RWDD2B: variants seen among roughly 807,000 people sequenced by gnomAD.
RWDD2B encodes RWD domain containing 2B, also known as RWD domain-containing protein 2B.
Under a neutral mutation model 33.6 loss-of-function variants are expected in RWDD2B, and 36 were observed. The ratio of observed to expected loss-of-function variants is 1.07; its 90% CI spans 0.82 to 1.42. The LOEUF is 1.42. RWDD2B is among the 40% of genes most tolerant of loss of function. The pLI is 0.00. For synonymous variants in RWDD2B, 126 were observed against 133.1 expected (o/e 0.95, Z 0.37); for missense variants, 364 against 377.5 (o/e 0.96, Z 0.30).
At chr21:29,018,203 A>C (rs993105926) in intron 1 of RWDD2B, among the ~76,000 whole-genome samples, 20 of 152,222 alleles carry the variant, frequency 1.3e-4, no homozygotes, top group Admixed American at 1.3e-3. Context: ...CAGGATTTAC[A>C]GATGAATTAC....
rs201343880 is a variant in RWDD2B, at chr21:29,008,325, G to T, written c.295-18C>A. On this transcript the variant is annotated intron_variant, in intron 2 of 4. Coordinates refer to ENST00000493196, the MANE Select transcript of RWDD2B (RefSeq NM_016940.3). Reference sequence around the variant, plus strand: ...AACATCGCCTGATTAAAGAGAAGAAGAAAAAGTGCACTAACCAATGTTTTA... The same window carrying T: ...AACATCGCCTGATTAAAGAGAAGAATAAAAAGTGCACTAACCAATGTTTTA... The T allele has an allele frequency of 6.2e-7, 1 of 1,613,644 alleles. No individual in the cohort carries two copies. The highest frequency in any genetic ancestry group is 2.2e-5 in the East Asian group (1 of 44,886).
chr21:29,011,831 G>A lies in RWDD2B; in HGVS notation c.68-3210C>T, dbSNP rs1166303277. On this transcript the variant is annotated intron_variant, in intron 1 of 4. Transcript: ENST00000493196. ...AGGTGAGGGGCGCCTCTGCCCGGCC[G>A]CCCCTACTGGGAAGTGAGGAGCCCC... Among the ~76,000 whole-genome samples, 8 of 125,312 alleles carry A rather than the reference G, an allele frequency of 6.4e-5. No individual in the cohort carries two copies. The South Asian group carries it at 1.1e-3, about 17-fold the overall frequency. The allele number at this position is 125,312 out of a possible 152,430, so 82.2% of individuals were successfully genotyped here.
chr21:29,011,929 C>T (rs2084864123), intron 1 of RWDD2B, among the ~76,000 whole-genome samples: 2 of 117,552 alleles, frequency 1.7e-5, no homozygotes, highest in East Asian at 2.8e-4. Context: ...CCGCCCCATC[C>T]GGGAGGGAGG....
rs1424301052 is a variant in RWDD2B at position 29,019,245 on chromosome 21, GT to G, written c.32del (p.Asn11ThrfsTer20). 6.2e-7 allele frequency: 1 copy of G among 1,606,190 alleles called. No homozygotes were observed. The highest frequency in any genetic ancestry group is 8.5e-7 in the Non-Finnish European group (1 of 1,177,126). Reference sequence around the variant, plus strand: ...TGGCCCCCTCACTGCTGTAACCCGGGTTCCATGGCTGCATGGACAGCTCAAT... The same window carrying G: ...TGGCCCCCTCACTGCTGTAACCCGGGTCCATGGCTGCATGGACAGCTCAAT... Reference protein sequence around the residue: MKIELSMQPWNPGYSSEGATA... With the variant: MKIELSMQPWXPGYSSEGATA... On this transcript the variant is annotated frameshift_variant, in exon 1 of 5. Coordinates refer to ENST00000493196, the MANE Select transcript of RWDD2B (RefSeq NM_016940.3). LOFTEE classifies it high-confidence loss of function.
In RWDD2B at chr21:29,019,340, C is replaced by T; in HGVS notation, c.-63G>A. On this transcript the variant is annotated 5_prime_UTR_variant, in exon 1 of 5. Coordinates refer to ENST00000493196, the MANE Select transcript of RWDD2B (RefSeq NM_016940.3). ...AAAACTTACAAACCGCCTCAGCTGG[C>T]GACCTACCGGAAAAAAAAAAAAAAA... 1.7e-6 allele frequency: 2 copies of T among 1,197,262 alleles called. No homozygotes were observed. Among genetic ancestry groups the T allele is most frequent in the Non-Finnish European group, 2.3e-6 (2 of 871,734 alleles). 74.2% of individuals were successfully genotyped at this position (1,197,262 alleles called of 1,614,324 possible).
In RWDD2B at chr21:29,008,533, A is replaced by G. The variant is rs747331742; in HGVS notation, c.156T>C (p.Gly52=). The G allele has an allele frequency of 4.6e-5, 74 of 1,614,018 alleles. 1 individual carries two copies. The South Asian group carries it at 6.1e-4, about 13-fold the overall frequency. The stretch of plus-strand genomic sequence containing the variant: ...GGTCATTCACTATGAGCTCATTCTC[A>G]CCAGGGAACATACTGGCTAGCAGGT... ...ELDLLASMFP[G]ENELIVNDQL... Residue 52 remains glycine, a synonymous_variant, in exon 2 of 5, where the codon GGT becomes GGC. Transcript: ENST00000493196.
chr21:29,010,159 T>C (rs1349519611), intron 1 of RWDD2B, among the ~76,000 whole-genome samples: 1 of 152,190 alleles, frequency 6.6e-6, no homozygotes, highest in East Asian at 1.9e-4. Flanking sequence ...TATTCAATAA[T>C]AAACTTACAG....
At chr21:29,019,121 C>G in intron 1 of RWDD2B, 90 bp downstream of exon 1, 1 of 1,102,466 alleles carries the variant, frequency 9.1e-7, no homozygotes, top group Non-Finnish European at 1.3e-6. Flanking sequence ...GCCGCCATGC[C>G]GGGCACGTTC....
chr21:29,012,071 T>C (rs1260809281), intron 1 of RWDD2B, among the ~76,000 whole-genome samples: 4 of 128,872 alleles, frequency 3.1e-5, no homozygotes, highest in East Asian at 2.5e-4. Context: ...TACTGGGAAG[T>C]GAGGAGCCCC....
chr21:29,016,401 A>T (rs955504952), intron 1 of RWDD2B, among the ~76,000 whole-genome samples: 26 of 152,136 alleles, frequency 1.7e-4, no homozygotes, highest in Admixed American at 6.5e-5. Context: ...AGTAGCTAGG[A>T]TTACAGGCAT....
At position 29,019,344 on chromosome 21, in the gene RWDD2B, C is replaced by A. The variant is rs1489309095; in HGVS notation, c.-67G>T. ...CTTACAAACCGCCTCAGCTGGCGAC[C>A]TACCGGAAAAAAAAAAAAAAAGCAT... On this transcript the variant is annotated 5_prime_UTR_variant, in exon 1 of 5. In the 5' UTR this introduces an upstream ATG that the reference lacks. Coordinates refer to ENST00000493196, the MANE Select transcript of RWDD2B (RefSeq NM_016940.3). The A allele has an allele frequency of 1.9e-4, 221 of 1,137,502 alleles. No individual in the cohort carries two copies. The highest frequency in any genetic ancestry group is 2.9e-4 in the Admixed American group (10 of 34,796). The allele number at this position is 1,137,502 out of a possible 1,614,324, so 70.5% of individuals were successfully genotyped here. A position where few individuals can be genotyped will look rare whatever the true frequency, so the allele number is the denominator to read the frequency against.
chr21:29,007,156 T>C (rs1249551114), intron 4 of RWDD2B, among the ~76,000 whole-genome samples: 1 of 152,222 alleles, frequency 6.6e-6, no homozygotes, highest in Admixed American at 6.5e-5. Context: ...TCACAGGGTA[T>C]ACAGTTTGCA....
chr21:29,011,013 C>T (rs1334111812), intron 1 of RWDD2B, among the ~76,000 whole-genome samples: 3 of 152,110 alleles, frequency 2.0e-5, no homozygotes, highest in African/African-American at 7.2e-5. Context: ...GATCTCGGCT[C>T]GCTACAACCT....
intron 1 of RWDD2B, among the ~76,000 whole-genome samples, chr21:29,010,887 C>T (rs554950485): frequency 1.0e-3 from 153 of 152,180 alleles, no homozygotes; most frequent in Non-Finnish European, 1.6e-3. Flanking sequence ...CCGGGCTGGT[C>T]TCCAGCTCCT....
At chr21:29,009,417 G>A (rs1487093943) in intron 1 of RWDD2B, among the ~76,000 whole-genome samples, 1 of 137,140 alleles carries the variant, frequency 7.3e-6, no homozygotes, top group Non-Finnish European at 1.5e-5. Context: ...TTTTTGAAAC[G>A]GAGTCTCGCT....
intron 4 of RWDD2B, among the ~76,000 whole-genome samples, 180 bp downstream of exon 4, chr21:29,007,581 A>G (rs1003772869): frequency 2.6e-5 from 4 of 152,240 alleles, no homozygotes; most frequent in Non-Finnish European, 4.4e-5. Context: ...CTGATATTCA[A>G]TAGTGGGAAG....
In RWDD2B at chr21:29,007,891, T is replaced by TA; in HGVS notation, c.594dup (p.Asn199Ter). ...AGAATATTCTTTCTTTTGCATTTGT[T>TA]ATAGATATGATGGCTGTAGATCCAG... is the stretch of plus-strand genomic sequence containing the variant. On this transcript the variant is annotated frameshift_variant, in exon 4 of 5. Coordinates refer to ENST00000493196, the MANE Select transcript of RWDD2B (RefSeq NM_016940.3). LOFTEE classifies it high-confidence loss of function. 6.2e-7 allele frequency: 1 copy of TA among 1,614,244 alleles called. No individual in the cohort carries two copies. The highest frequency in any genetic ancestry group is 8.5e-7 in the Non-Finnish European group (1 of 1,180,046).
intron 4 of RWDD2B, 46 bp downstream of exon 4, chr21:29,007,715 T>C (rs2084835246): frequency 6.4e-7 from 1 of 1,569,902 alleles, no homozygotes; most frequent in Non-Finnish European, 8.6e-7. Flanking sequence ...TCTTGTTTAG[T>C]ATTAACATTA....
chr21:29,012,925 A>C (rs1220025933), intron 1 of RWDD2B, among the ~76,000 whole-genome samples: 3 of 152,038 alleles, frequency 2.0e-5, no homozygotes, highest in Non-Finnish European at 4.4e-5. Flanking sequence ...TTACCAGTAC[A>C]TCTTATAATA....
Sources: gnomAD v4.1 joint callset for allele counts (sites outside exome capture counted in the v4.1 genomes callset) on GRCh38, gnomAD v4.1.1 for gene constraint, MANE v1.5 for transcripts, NCBI Gene and HGNC (gene_info 2026-07-23, HGNC 2026-07-21) for gene names.